The following MICU1 variants were observed in gnomAD, a reference collection of about 807,000 sequenced individuals.
The protein encoded by MICU1 is mitochondrial calcium uptake 1.
MICU1 carries 45 observed loss-of-function variants against 56.8 expected under a neutral mutation model. That is an observed-to-expected ratio of 0.79 (90% confidence interval 0.62 to 1.02). MICU1 has a LOEUF of 1.02. Among genes scored for constraint, MICU1 ranks in the 50% least tolerant of loss-of-function variants. The pLI is 0.00. For synonymous variants in MICU1, 186 were observed against 195.1 expected (o/e 0.95, Z 0.39); for missense variants, 504 against 587.1 (o/e 0.86, Z 1.46).
intron 5 of MICU1, chr10:72,532,692 T>C (rs1289441846): frequency 4.2e-6 from 1 of 235,950 alleles, no homozygotes; most frequent in African/African-American, 2.3e-5. Context: ...TCTTCCTTTT[T>C]GATCATTCTT....
At chr10:72,392,430 G>C (rs1863108780) in intron 10 of MICU1, among the ~76,000 whole-genome samples, 1 of 152,104 alleles carries the variant, frequency 6.6e-6, no homozygotes, top group Non-Finnish European at 1.5e-5. Flanking sequence ...AATTAGCCAG[G>C]TGTGGTGGCA....
At chr10:72,486,934 A>G (rs1381190481) in intron 6 of MICU1, among the ~76,000 whole-genome samples, 1 of 152,232 alleles carries the variant, frequency 6.6e-6, no homozygotes, top group Admixed American at 6.5e-5. Context: ...TTGAAGCACT[A>G]AGAAGGGTAA....
At chr10:72,399,346 A>C (rs1863372794) in intron 10 of MICU1, among the ~76,000 whole-genome samples, 1 of 152,142 alleles carries the variant, frequency 6.6e-6, no homozygotes, top group South Asian at 2.1e-4. Context: ...TAGCATTAGG[A>C]GATATACCTA....
chr10:72,613,761 G>GT (rs1841911127), intron 1 of MICU1, among the ~76,000 whole-genome samples: 1 of 152,038 alleles, frequency 6.6e-6, no homozygotes, highest in Admixed American at 6.6e-5. Context: ...ACTATCTTTG[G>GT]TTTTCTCTAA....
At chr10:72,570,336 A>AT (rs376377271) in intron 1 of MICU1, among the ~76,000 whole-genome samples, 62 of 149,850 alleles carry the variant, frequency 4.1e-4, no homozygotes, top group Admixed American at 1.1e-3. Flanking sequence ...GGCCCAAATT[A>AT]TTTTTTTTTT....
At chr10:72,531,547 G>C (rs1260349690) in intron 5 of MICU1, 1 of 151,768 alleles carries the variant, frequency 6.6e-6, no homozygotes, top group Non-Finnish European at 1.5e-5. Flanking sequence ...GTGAAACCCT[G>C]TCTCTACTAA....
chr10:72,563,652 A>C (rs1840353152), intron 2 of MICU1, among the ~76,000 whole-genome samples: 1 of 152,242 alleles, frequency 6.6e-6, no homozygotes, highest in Non-Finnish European at 1.5e-5. Context: ...GATCTGTTTC[A>C]CAATGATGTG....
intron 1 of MICU1, among the ~76,000 whole-genome samples, chr10:72,585,677 C>A (rs1841030605): frequency 6.6e-6 from 1 of 151,330 alleles, no homozygotes; most frequent in Non-Finnish European, 1.5e-5. Context: ...AAAAAAAATT[C>A]ATTTTAAATG....
At chr10:72,546,775 G>T (rs544521446) in intron 4 of MICU1, among the ~76,000 whole-genome samples, 1 of 152,206 alleles carries the variant, frequency 6.6e-6, no homozygotes, top group Non-Finnish European at 1.5e-5. Context: ...GCCCAGGCTG[G>T]AGTACAGTGG....
intron 1 of MICU1, among the ~76,000 whole-genome samples, chr10:72,609,470 C>T (rs1257194776): frequency 6.6e-6 from 1 of 152,112 alleles, no homozygotes; most frequent in East Asian, 1.9e-4. Context: ...CACGGAGACT[C>T]ACGCCTGCAA....
chr10:72,447,012 C>T (rs939661020), intron 8 of MICU1, among the ~76,000 whole-genome samples: 22 of 152,116 alleles, frequency 1.4e-4, no homozygotes, highest in African/African-American at 4.8e-4. Flanking sequence ...TAATCCTCTC[C>T]TTTCTACTCT....
intron 9 of MICU1, among the ~76,000 whole-genome samples, chr10:72,418,874 TCA>T (rs1321039108): frequency 6.6e-6 from 1 of 152,238 alleles, no homozygotes; most frequent in East Asian, 1.9e-4. Context: ...ATTGCTATGT[TCA>T]CAAACTATTT....
chr10:72,394,059 G>A (rs1054405836), intron 10 of MICU1, among the ~76,000 whole-genome samples: 1 of 152,112 alleles, frequency 6.6e-6, no homozygotes, highest in African/African-American at 2.4e-5. Context: ...GAGCCAAAGA[G>A]CCCAGCTGAT....
At chr10:72,450,111 G>C (rs1407444495) in intron 8 of MICU1, among the ~76,000 whole-genome samples, 1 of 152,100 alleles carries the variant, frequency 6.6e-6, no homozygotes, top group Non-Finnish European at 1.5e-5. Flanking sequence ...TGTTTGCAGA[G>C]AGACAGGTAT....
intron 2 of MICU1, among the ~76,000 whole-genome samples, chr10:72,563,287 C>T (rs577961436): frequency 7.2e-5 from 11 of 152,162 alleles, no homozygotes; most frequent in Non-Finnish European, 1.0e-4. Flanking sequence ...TCCATGTTCA[C>T]AGCAGCACTA....
At chr10:72,462,546 G>C (rs1458958817) in intron 8 of MICU1, among the ~76,000 whole-genome samples, 2 of 152,154 alleles carry the variant, frequency 1.3e-5, no homozygotes, top group Non-Finnish European at 2.9e-5. Flanking sequence ...GAGACTGACA[G>C]AAGTCTGTAG....
chr10:72,421,862 A>G (rs1418366406), intron 9 of MICU1, among the ~76,000 whole-genome samples: 1 of 152,184 alleles, frequency 6.6e-6, no homozygotes, highest in African/African-American at 2.4e-5. Context: ...ACTGTGAGTG[A>G]ACTCCAAACT....
At chr10:72,580,099 T>C (rs1840857078) in intron 1 of MICU1, among the ~76,000 whole-genome samples, 1 of 152,232 alleles carries the variant, frequency 6.6e-6, no homozygotes, top group Non-Finnish European at 1.5e-5. Context: ...ATCTTTATTT[T>C]TCAAGAGTTT....
intron 4 of MICU1, among the ~76,000 whole-genome samples, chr10:72,547,724 T>C (rs926388374): frequency 1.3e-5 from 2 of 152,150 alleles, no homozygotes; most frequent in Non-Finnish European, 2.9e-5. Context: ...ACCTTATGGA[T>C]GCAATCAGTA....
Sources: gnomAD v4.1 joint callset for allele counts (sites outside exome capture counted in the v4.1 genomes callset) on GRCh38, gnomAD v4.1.1 for gene constraint, MANE v1.5 for transcripts, NCBI Gene and HGNC (gene_info 2026-07-23, HGNC 2026-07-21) for gene names.